Variants in NBAS observed in about 807,000 individuals in gnomAD.
NBAS encodes NBAS subunit of NRZ tethering complex.
In NBAS, 219 loss-of-function variants were observed where a neutral mutation model predicts 302.5. That is an observed-to-expected ratio of 0.72 (90% CI 0.65 to 0.81). NBAS has a LOEUF of 0.81. Among genes scored for constraint, NBAS ranks in the 30% least tolerant of loss-of-function variants. The pLI, the probability that NBAS is intolerant of heterozygous loss-of-function variation, is 0.00. For missense variants in NBAS, 2,932 were observed against 2,841.6 expected (o/e 1.03, Z -0.72); for synonymous variants, 1,118 against 1,021.6 (o/e 1.09, Z -1.80).
Position 15,474,101 on chromosome 2 carries a change from C to T in NBAS, c.1565G>A (p.Arg522His), listed in dbSNP as rs555950436. ...ITKNYRLVSL[R>H]STTPEELYQR... Reference sequence around the variant, plus strand: ...ATAAAGTTCCTCTGGTGTCGTGGAGCGCAAACTCACAAGGCGGTAGTTTTT... The same window carrying T: ...ATAAAGTTCCTCTGGTGTCGTGGAGTGCAAACTCACAAGGCGGTAGTTTTT... Residue 522 changes from arginine (R) to histidine (H), a missense_variant, in exon 15 of 52, where the codon CGC becomes CAC. Physicochemically the swap from Arg to His is conservative, Grantham distance 29. Transcript: ENST00000281513. 14 of 1,614,180 alleles carry T rather than the reference C, an allele frequency of 8.7e-6. No homozygotes were observed. The highest frequency in any genetic ancestry group is 1.6e-4 in the Middle Eastern group (1 of 6,062).
chr2:15,090,230 G>A, the NBAS span, among the ~76,000 whole-genome samples: 3,962 of 152,238 alleles, frequency 0.026, 192 homozygotes, highest in African/African-American at 0.091. Context: ...GGTTGTGAGA[G>A]TCACTCATTT....
At chr2:15,001,450 G>A in the NBAS span, among the ~76,000 whole-genome samples, 4 of 152,048 alleles carry the variant, frequency 2.6e-5, no homozygotes, top group Non-Finnish European at 5.9e-5. Flanking sequence ...GTGATAAAAA[G>A]ATGATTACAA....
the NBAS span, among the ~76,000 whole-genome samples, chr2:15,159,882 T>C: frequency 1.3e-5 from 2 of 152,028 alleles, no homozygotes; most frequent in Admixed American, 1.3e-4. Flanking sequence ...AAACCATGGC[T>C]TCAAGTCTCA....
chr2:15,530,256 AC>A (rs888734402), intron 9 of NBAS, among the ~76,000 whole-genome samples: 2 of 152,102 alleles, frequency 1.3e-5, no homozygotes, highest in African/African-American at 4.8e-5. Context: ...TGAATATTTA[AC>A]CCTCAAAACA....
chr2:15,535,566 A>AT (rs1558420383), intron 8 of NBAS, among the ~76,000 whole-genome samples: 15 of 137,198 alleles, frequency 1.1e-4, no homozygotes, highest in African/African-American at 4.4e-4. Context: ...AAATAAATAA[A>AT]AATAAAAAAA....
chr2:15,308,634 A>T (rs1219379655), intron 39 of NBAS, among the ~76,000 whole-genome samples: 1 of 152,210 alleles, frequency 6.6e-6, no homozygotes, highest in African/African-American at 2.4e-5. Flanking sequence ...AAGAAATAAG[A>T]GGAGGAAACC....
At chr2:15,534,487 G>C in intron 9 of NBAS, 56 bp downstream of exon 9, 1 of 1,265,932 alleles carries the variant, frequency 7.9e-7, no homozygotes, top group Non-Finnish European at 1.2e-6. Context: ...TCTTCTATCT[G>C]AATCTATGCC....
Position 15,541,854 on chromosome 2 carries a change from G to A in NBAS, c.380-2498C>T, listed in dbSNP as rs1160499870. Among the ~76,000 whole-genome samples, 4 of 67,264 alleles carry A rather than the reference G, an allele frequency of 5.9e-5. 2 individuals carry two copies. Among genetic ancestry groups the A allele is most frequent in the African/African-American group, 2.2e-4 (4 of 18,096 alleles). 44.1% of individuals were successfully genotyped at this position (67,264 alleles called of 152,430 possible). On this transcript the variant is annotated intron_variant, in intron 6 of 51. Coordinates refer to ENST00000281513, the MANE Select transcript of NBAS (RefSeq NM_015909.4). ...CAGCCGCCCCGTCCGGGAGGGAGGT[G>A]GGGGGGTTCAGCCCCCCGCCCGGCC...
intron 9 of NBAS, among the ~76,000 whole-genome samples, chr2:15,527,829 T>C (rs2148669973): frequency 6.6e-6 from 1 of 152,276 alleles, no homozygotes; most frequent in Non-Finnish European, 1.5e-5. Flanking sequence ...ACATATAAGA[T>C]AATGAGTAGG....
intron 21 of NBAS, among the ~76,000 whole-genome samples, chr2:15,437,303 A>ATG (rs1433510774): frequency 2.0e-5 from 3 of 152,182 alleles, no homozygotes; most frequent in African/African-American, 7.2e-5. Flanking sequence ...GGTGACAGAG[A>ATG]GTCTCCATCT....
the NBAS span, among the ~76,000 whole-genome samples, chr2:15,021,572 G>A: frequency 6.6e-6 from 1 of 152,330 alleles, no homozygotes; most frequent in East Asian, 1.9e-4. Context: ...GCTGTCTCCA[G>A]TCTGGTCAGG....
chr2:15,022,520 AC>A, the NBAS span, among the ~76,000 whole-genome samples: 2 of 152,100 alleles, frequency 1.3e-5, no homozygotes, highest in Non-Finnish European at 2.9e-5. Context: ...CTTTTAACAT[AC>A]CCCCTAAAGA....
the NBAS span, among the ~76,000 whole-genome samples, chr2:14,834,794 G>T: frequency 8.5e-5 from 13 of 152,166 alleles, no homozygotes; most frequent in Middle Eastern, 3.4e-3. Context: ...GGTTAAGAAT[G>T]ATTTCTGTAA....
At chr2:15,516,421 T>C (rs1389140346) in intron 9 of NBAS, among the ~76,000 whole-genome samples, 2 of 152,126 alleles carry the variant, frequency 1.3e-5, no homozygotes, top group African/African-American at 2.4e-5. Flanking sequence ...AATTTGACCA[T>C]ATTAAAATTT....
the NBAS span, among the ~76,000 whole-genome samples, chr2:15,084,531 G>A: frequency 2.0e-5 from 3 of 152,322 alleles, no homozygotes; most frequent in African/African-American, 7.2e-5. Context: ...TCCTGCCTCT[G>A]AATTATCCAC....
chr2:14,794,708 C>T, the NBAS span, among the ~76,000 whole-genome samples: 4 of 152,026 alleles, frequency 2.6e-5, no homozygotes, highest in African/African-American at 9.7e-5. Context: ...GTGAACAATC[C>T]ATAATCTCAA....
Position 15,167,256 on chromosome 2 carries a change from C to G in NBAS, c.6908G>C (p.Cys2303Ser), listed in dbSNP as rs766215589. ...ACGTGGATAGAAGGGAGTGGAGACA[C>G]ACTTCACCAGCAGCTTGGCATCCAG... ...LLLDAKLLVK[C>S]VSTPFYPRIV... The change falls in exon 52 of 52, where the codon TGT becomes TCT. Residue 2303 changes from cysteine to serine, a missense_variant. Transcript: ENST00000281513. The G allele has an allele frequency of 6.2e-7, 1 of 1,614,126 alleles. No homozygotes were observed. Among genetic ancestry groups the G allele is most frequent in the Non-Finnish European group, 8.5e-7 (1 of 1,180,050 alleles).
At chr2:15,519,762 A>G (rs180799458) in intron 9 of NBAS, among the ~76,000 whole-genome samples, 173 of 152,172 alleles carry the variant, frequency 1.1e-3, no homozygotes, top group African/African-American at 4.1e-3. Flanking sequence ...TGCATTTCTA[A>G]CCATTTCCCC....
chr2:15,305,079 T>C (rs1417136672), intron 40 of NBAS, among the ~76,000 whole-genome samples: 1 of 152,090 alleles, frequency 6.6e-6, no homozygotes, highest in African/African-American at 2.4e-5. Flanking sequence ...TTTTGAAATG[T>C]GAAAGGGATA....
Sources: gnomAD v4.1 joint callset for allele counts (sites outside exome capture counted in the v4.1 genomes callset) on GRCh38, gnomAD v4.1.1 for gene constraint, MANE v1.5 for transcripts, NCBI Gene and HGNC (gene_info 2026-07-23, HGNC 2026-07-21) for gene names.